The following GPM6B variants were observed in gnomAD, a reference collection of about 807,000 sequenced individuals.
GPM6B encodes the protein neuronal membrane glycoprotein M6-b.
GPM6B carries 4 observed loss-of-function variants against 27.2 expected under a neutral mutation model. The ratio of observed to expected loss-of-function variants is 0.15; its 90% CI spans 0.07 to 0.34. The LOEUF (loss-of-function observed/expected upper bound fraction) is 0.34, where lower values mean the gene tolerates loss of function less well. Ranked by LOEUF, GPM6B falls within the 10% of genes least tolerant of loss-of-function variation. GPM6B has a pLI of 1.00. For synonymous variants in GPM6B, 124 were observed against 103.1 expected, an observed-to-expected ratio of 1.20 and a Z score of -1.23; for missense variants, 183 against 261.9, an observed-to-expected ratio of 0.70 and a Z score of 2.08.
intron 7 of GPM6B, among the ~76,000 whole-genome samples, chrX:13,775,297 C>G (rs757052991): frequency 1.8e-5 from 2 of 113,148 alleles, no homozygotes; most frequent in African/African-American, 6.4e-5. Flanking sequence ...GCACTTCTTT[C>G]GCAGTTATTA....
chrX:13,932,721 C>T (rs754100789), intron 1 of GPM6B, among the ~76,000 whole-genome samples: 3 of 112,004 alleles, frequency 2.7e-5, no homozygotes, highest in East Asian at 5.6e-4. Flanking sequence ...CACAAAGCTG[C>T]CATTGCCTTT....
intron 2 of GPM6B, among the ~76,000 whole-genome samples, chrX:13,801,698 C>A (rs1022846297): frequency 2.7e-5 from 3 of 111,483 alleles, no homozygotes; most frequent in Admixed American, 9.5e-5. Flanking sequence ...GATTTATTGC[C>A]ACTGGGAAAC....
Position 13,878,352 on chromosome X carries a change from G to A in GPM6B, c.-198+59975C>T, listed in dbSNP as rs757394076. On this transcript the variant is annotated intron_variant, in intron 1 of 6. Coordinates refer to the GPM6B transcript ENST00000398361. Reference sequence around the variant, plus strand: ...CAGGGAGACCACCCAATGGGAAGGTGGGGGAAGGGGTACCAAAGAACAGAG... The same window carrying A: ...CAGGGAGACCACCCAATGGGAAGGTAGGGGAAGGGGTACCAAAGAACAGAG... 3.6e-5 allele frequency among the ~76,000 whole-genome samples: 4 copies of A among 110,041 alleles called. No homozygotes were observed. In the South Asian group the frequency reaches 1.6e-3, roughly 43 times the overall value.
chrX:13,860,741 G>A (rs1190775687), intron 1 of GPM6B, among the ~76,000 whole-genome samples: 2 of 110,032 alleles, frequency 1.8e-5, no homozygotes, highest in African/African-American at 3.3e-5. Context: ...AGCCCAAGCA[G>A]TGTACACTGT....
intron 1 of GPM6B, among the ~76,000 whole-genome samples, chrX:13,823,190 A>G (rs1452993694): frequency 2.7e-5 from 3 of 112,638 alleles, no homozygotes; most frequent in African/African-American, 9.7e-5. Context: ...TGAAAAGACA[A>G]ATCAAACTGG....
chrX:13,853,095 G>A (rs773884806), intron 1 of GPM6B, among the ~76,000 whole-genome samples: 11 of 111,030 alleles, frequency 9.9e-5, no homozygotes, highest in African/African-American at 3.3e-4. Flanking sequence ...TTCCATGTTC[G>A]TACTCCCACC....
intron 1 of GPM6B, among the ~76,000 whole-genome samples, chrX:13,904,869 A>C (rs762647059): frequency 6.3e-5 from 7 of 110,378 alleles, no homozygotes; most frequent in Non-Finnish European, 1.3e-4. Flanking sequence ...CTATACAATA[A>C]ATTTATTTCT....
intron 1 of GPM6B, among the ~76,000 whole-genome samples, chrX:13,931,354 G>C (rs749990830): frequency 9.1e-6 from 1 of 109,724 alleles, no homozygotes; most frequent in Non-Finnish European, 1.9e-5. Flanking sequence ...CGGGCATGGT[G>C]GTGGGCGCCT....
intron 1 of GPM6B, among the ~76,000 whole-genome samples, chrX:13,866,757 G>T: frequency 8.9e-6 from 1 of 111,932 alleles, no homozygotes; most frequent in African/African-American, 3.2e-5. Context: ...TTGATTAGAA[G>T]ATATTCTAAA....
At chrX:13,886,082 A>G (rs1239782881) in intron 1 of GPM6B, among the ~76,000 whole-genome samples, 1 of 112,349 alleles carries the variant, frequency 8.9e-6, no homozygotes, top group Non-Finnish European at 1.9e-5. Flanking sequence ...ATTTTGACCT[A>G]TCTACCACTT....
At chrX:13,888,311 A>G (rs184532136) in intron 1 of GPM6B, among the ~76,000 whole-genome samples, 46 of 112,110 alleles carry the variant, frequency 4.1e-4, no homozygotes, top group Admixed American at 1.0e-3. Flanking sequence ...TCTGGAAGGG[A>G]AAATTAATTA....
At chrX:13,846,709 G>A (rs2049651532) in intron 1 of GPM6B, among the ~76,000 whole-genome samples, 1 of 107,789 alleles carries the variant, frequency 9.3e-6, no homozygotes, top group African/African-American at 3.4e-5. Context: ...TAGCCAGGAT[G>A]GACTCGATCT....
chrX:13,787,752 A>G (rs1472816960), intron 2 of GPM6B, among the ~76,000 whole-genome samples: 2 of 111,935 alleles, frequency 1.8e-5, no homozygotes, highest in African/African-American at 6.5e-5. Context: ...TCCCAAACTA[A>G]GAGAAACTAG....
chrX:13,865,429 G>C (rs2049898392), intron 1 of GPM6B, among the ~76,000 whole-genome samples: 2 of 105,122 alleles, frequency 1.9e-5, no homozygotes, highest in African/African-American at 3.5e-5. Flanking sequence ...CATTACAATA[G>C]GCAAAGAAAA....
rs2048689558 is a variant in GPM6B at position 13,790,253 on chromosome X, G to T, written c.182-4445C>A. Reference sequence around the variant, plus strand: ...TATGGATCTGTAGCTGAGAAGAGCTGAACTTGGATGCTGGCAGCTTCTACT... The same window carrying T: ...TATGGATCTGTAGCTGAGAAGAGCTTAACTTGGATGCTGGCAGCTTCTACT... On this transcript the variant is annotated intron_variant, in intron 2 of 7. Transcript: ENST00000316715. Among the ~76,000 whole-genome samples the T allele has an allele frequency of 5.3e-5, 6 of 112,261 alleles. No homozygotes were observed. The Admixed American group carries it at 5.6e-4, about 11-fold the overall frequency.
intron 1 of GPM6B, among the ~76,000 whole-genome samples, chrX:13,921,807 G>T (rs1463090209): frequency 9.0e-6 from 1 of 111,176 alleles, no homozygotes; most frequent in Non-Finnish European, 1.9e-5. Flanking sequence ...TCAAACTCCT[G>T]ACCTCGTGAT....
At chrX:13,900,389 G>A (rs2050271733) in intron 1 of GPM6B, among the ~76,000 whole-genome samples, 2 of 111,390 alleles carry the variant, frequency 1.8e-5, no homozygotes, top group African/African-American at 3.3e-5. Context: ...GAAGGGCTGC[G>A]GTTGGTGAGT....
At chrX:13,860,663 G>C (rs1328665485) in intron 1 of GPM6B, among the ~76,000 whole-genome samples, 1 of 109,850 alleles carries the variant, frequency 9.1e-6, no homozygotes, top group African/African-American at 3.3e-5. Context: ...GGTTTTTGGG[G>C]AACAGGTAGT....
At chrX:13,828,059 T>C (rs6633380) in intron 1 of GPM6B, among the ~76,000 whole-genome samples, 30,617 of 110,199 alleles carry the variant, frequency 0.28, 3,310 homozygotes, top group Admixed American at 0.49. Context: ...ACAGTGCTCA[T>C]GTCACAATGA....
Sources: allele counts gnomAD v4.1 joint callset (sites outside exome capture counted in the v4.1 genomes callset), GRCh38; gene constraint gnomAD v4.1.1; transcripts MANE v1.5; gene names NCBI Gene and HGNC (gene_info 2026-07-23, HGNC 2026-07-21).